FBXL20: variants seen among roughly 807,000 people sequenced by gnomAD.
FBXL20 encodes the protein F-box and leucine rich repeat protein 20.
FBXL20 carries 11 observed loss-of-function variants against 64.0 expected under a neutral mutation model. The observed-to-expected ratio is 0.17, with a 90% CI of 0.11 to 0.28. The LOEUF (loss-of-function observed/expected upper bound fraction) is 0.28. Ranked by LOEUF, FBXL20 falls within the 10% of genes least tolerant of loss-of-function variation. The probability of loss-of-function intolerance (pLI) is 1.00; values close to 1 mark genes in which losing one functional copy is unlikely to be tolerated. For missense variants in FBXL20, 303 were observed against 526.2 expected (o/e 0.58, Z 4.15); for synonymous variants, 184 against 189.0 (o/e 0.97, Z 0.22).
At chr17:39,402,341 T>C, upstream of FBXL20, 1 of 643,204 alleles carries the variant, frequency 1.6e-6, no homozygotes, top group Non-Finnish European at 2.2e-6. Context: ...TACGGGGTGC[T>C]GCAGGGAGGC....
intron 12 of FBXL20, among the ~76,000 whole-genome samples, chr17:39,267,039 A>C (rs945874568): frequency 2.6e-5 from 4 of 152,066 alleles, no homozygotes; most frequent in Non-Finnish European, 4.4e-5. Context: ...GATCACCTGA[A>C]GTCAGGAGTT....
intron 2 of FBXL20, among the ~76,000 whole-genome samples, chr17:39,338,226 C>CTG (rs2047547994): frequency 6.6e-6 from 1 of 152,218 alleles, no homozygotes; most frequent in Non-Finnish European, 1.5e-5. Flanking sequence ...TCCTGTTGAT[C>CTG]TGTGACCTTA....
chr17:39,349,872 C>T (rs2047670907), intron 1 of FBXL20, among the ~76,000 whole-genome samples: 1 of 150,690 alleles, frequency 6.6e-6, no homozygotes, highest in African/African-American at 2.4e-5. Flanking sequence ...GGAGGCGGAG[C>T]TTGCAGTGAG....
At chr17:39,285,080 A>G (rs1027333279) in intron 7 of FBXL20, among the ~76,000 whole-genome samples, 1 of 151,606 alleles carries the variant, frequency 6.6e-6, no homozygotes, top group African/African-American at 2.4e-5. Context: ...TAATTTTTAT[A>G]TTTTTAGTAG....
At chr17:39,389,220 C>T (rs930614613) in intron 1 of FBXL20, among the ~76,000 whole-genome samples, 14 of 151,652 alleles carry the variant, frequency 9.2e-5, no homozygotes, top group African/African-American at 3.4e-4. Flanking sequence ...TATCTCCCTG[C>T]AGTTACTATT....
At chr17:39,314,789 CCTTTT>C (rs1242812243) in intron 2 of FBXL20, among the ~76,000 whole-genome samples, 3 of 140,074 alleles carry the variant, frequency 2.1e-5, no homozygotes, top group Non-Finnish European at 1.5e-5. Context: ...TTCTCCATAT[CCTTTT>C]CTTTTTTTTT....
chr17:39,331,531 T>C (rs962151238), intron 2 of FBXL20, among the ~76,000 whole-genome samples: 1 of 152,216 alleles, frequency 6.6e-6, no homozygotes, highest in Non-Finnish European at 1.5e-5. Context: ...ATTGCTATAA[T>C]GCCCTAGGCA....
chr17:39,288,606 G>A (rs2047009538), intron 6 of FBXL20, among the ~76,000 whole-genome samples: 3 of 151,882 alleles, frequency 2.0e-5, no homozygotes, highest in African/African-American at 7.3e-5. Flanking sequence ...ATAGGTCATG[G>A]TCCCTGGCCT....
At chr17:39,385,537 CAG>C (rs1250370991) in intron 1 of FBXL20, among the ~76,000 whole-genome samples, 2 of 151,996 alleles carry the variant, frequency 1.3e-5, no homozygotes, top group Non-Finnish European at 2.9e-5. Flanking sequence ...TTTAGTAAAA[CAG>C]AAGTGGGTGG....
At chr17:39,341,693 A>T (rs1168640957) in intron 2 of FBXL20, among the ~76,000 whole-genome samples, 1 of 152,232 alleles carries the variant, frequency 6.6e-6, no homozygotes, top group Non-Finnish European at 1.5e-5. Flanking sequence ...CTAAGTAGAA[A>T]TGTAAGCTGT....
intron 1 of FBXL20, among the ~76,000 whole-genome samples, chr17:39,364,109 C>T (rs2047834096): frequency 6.6e-6 from 1 of 151,832 alleles, no homozygotes; most frequent in Admixed American, 6.6e-5. Context: ...AGGCTGGTCT[C>T]GAACTCCTGG....
At chr17:39,371,275 C>CA (rs1472196972) in intron 1 of FBXL20, among the ~76,000 whole-genome samples, 1 of 152,128 alleles carries the variant, frequency 6.6e-6, no homozygotes, top group African/African-American at 2.4e-5. Context: ...AAAAAAATAA[C>CA]AAAAATATGC....
At position 39,382,442 on chromosome 17, in the gene FBXL20, CAAA is replaced by C. The variant is rs543348192; in HGVS notation, c.42+18916_42+18918del. Reference sequence around the variant, plus strand: ...ACAGCAACAGAGAGAGACTCCATCTCAAAAAAAAAAAAAAAAAAAATAGATGAA... The same window carrying C: ...ACAGCAACAGAGAGAGACTCCATCTCAAAAAAAAAAAAAAAAATAGATGAA... On this transcript the variant is annotated intron_variant, in intron 1 of 14. Transcript: ENST00000264658. Among the ~76,000 whole-genome samples, 602 of 88,194 alleles carry C rather than the reference CAAA, an allele frequency of 6.8e-3. 3 individuals are homozygous for C. The highest frequency in any genetic ancestry group is 0.019 in the African/African-American group (516 of 27,858). The allele number at this position is 88,194 out of a possible 152,430, so 57.9% of individuals were successfully genotyped here. A position where few individuals can be genotyped will look rare whatever the true frequency, so the allele number is the denominator to read the frequency against.
rs137930615 is a variant in FBXL20 at position 39,339,197 on chromosome 17, G to A, written c.104+3983C>T. Among the ~76,000 whole-genome samples, 1,293 of 148,130 alleles carry A rather than the reference G, an allele frequency of 8.7e-3. 17 individuals carry two copies. Among genetic ancestry groups the A allele is most frequent in the African/African-American group, 0.031 (1,221 of 39,750 alleles). On this transcript the variant is annotated intron_variant, in intron 2 of 14. Coordinates refer to ENST00000264658, the MANE Select transcript of FBXL20 (RefSeq NM_032875.3). ...AAAAAAAAAAAAAAAGACCAGCCTA[G>A]GCAACACAGTGAGACCCCATCTGCC... is the stretch of plus-strand genomic sequence containing the variant.
intron 2 of FBXL20, among the ~76,000 whole-genome samples, chr17:39,316,976 G>A (rs1402947111): frequency 1.3e-5 from 2 of 152,228 alleles, no homozygotes; most frequent in African/African-American, 4.8e-5. Flanking sequence ...GAGACAGAGT[G>A]AGACTCCATC....
chr17:39,325,937 T>C (rs1298617208), intron 2 of FBXL20, among the ~76,000 whole-genome samples: 1 of 152,120 alleles, frequency 6.6e-6, no homozygotes, highest in Admixed American at 6.6e-5. Flanking sequence ...ATGTTGGAGG[T>C]GGGACCTAGT....
chr17:39,397,242 G>T (rs759608576), intron 1 of FBXL20, among the ~76,000 whole-genome samples: 5 of 152,108 alleles, frequency 3.3e-5, no homozygotes, highest in African/African-American at 4.8e-5. Flanking sequence ...AAGCAAGTAG[G>T]CAAACAAATA....
chr17:39,313,704 C>T (rs979652262), intron 2 of FBXL20, among the ~76,000 whole-genome samples: 3 of 152,146 alleles, frequency 2.0e-5, no homozygotes, highest in Non-Finnish European at 2.9e-5. Context: ...GGCACAATCT[C>T]GGCTCACAGC....
At chr17:39,374,647 C>T (rs2047949779) in intron 1 of FBXL20, among the ~76,000 whole-genome samples, 1 of 152,066 alleles carries the variant, frequency 6.6e-6, no homozygotes, top group Non-Finnish European at 1.5e-5. Flanking sequence ...TATGTATTGT[C>T]TAGGATTCCT....
Sources: allele counts gnomAD v4.1 joint callset (sites outside exome capture counted in the v4.1 genomes callset), GRCh38; gene constraint gnomAD v4.1.1; transcripts MANE v1.5; gene names NCBI Gene and HGNC (gene_info 2026-07-23, HGNC 2026-07-21).